The following NCOA2 variants were observed in gnomAD, a reference collection of about 807,000 sequenced individuals.
NCOA2 encodes the protein nuclear receptor coactivator 2.
Under a neutral mutation model 145.1 loss-of-function variants are expected in NCOA2, and 21 were observed. The ratio of observed to expected loss-of-function variants is 0.14; its 90% CI spans 0.10 to 0.21. The LOEUF (loss-of-function observed/expected upper bound fraction) is 0.21, where lower values mean the gene tolerates loss of function less well. Ranked by LOEUF, NCOA2 falls within the 10% of genes least tolerant of loss-of-function variation. The pLI is 1.00. For missense variants in NCOA2, 1,472 were observed against 1,837.6 expected, an observed-to-expected ratio of 0.80 and a Z score of 3.64; for synonymous variants, 619 against 637.5, an observed-to-expected ratio of 0.97 and a Z score of 0.44.
At chr8:70,160,680 A>AGAGAGAGG (rs1288575858) in intron 9 of NCOA2, among the ~76,000 whole-genome samples, 2 of 123,524 alleles carry the variant, frequency 1.6e-5, no homozygotes, top group African/African-American at 7.4e-5. Flanking sequence ...AGAGAGAGAG[A>AGAGAGAGG]GGGAGAGAGA....
At chr8:70,247,572 T>G (rs1822735308) in intron 2 of NCOA2, among the ~76,000 whole-genome samples, 1 of 152,182 alleles carries the variant, frequency 6.6e-6, no homozygotes, top group South Asian at 2.1e-4. Context: ...TGACTGCAGT[T>G]TTAAAAGACT....
chr8:70,358,078 A>C (rs988766220), intron 1 of NCOA2, among the ~76,000 whole-genome samples: 1 of 152,102 alleles, frequency 6.6e-6, no homozygotes, highest in Middle Eastern at 3.2e-3. Flanking sequence ...ACAACAACAA[A>C]AAAAACCCTA....
the NCOA2 span, among the ~76,000 whole-genome samples, chr8:70,412,572 A>G: frequency 6.8e-6 from 1 of 147,378 alleles, no homozygotes; most frequent in South Asian, 2.2e-4. Context: ...TGCTTGAACC[A>G]AGGAGGCAGA....
rs372869452 is a variant in NCOA2 at position 70,113,785 on chromosome 8, G to A, written c.4384-142C>T. ...AGGCCGCATCTGGATGAGTACATTC[G>A]ATGTGGAGGTGAACAGGCAGAGGGC... On this transcript the variant is annotated intron_variant, in intron 22 of 22. Coordinates refer to ENST00000452400, the MANE Select transcript of NCOA2 (RefSeq NM_006540.4). 17 of 798,340 alleles carry A rather than the reference G, an allele frequency of 2.1e-5. No homozygotes were observed. In the East Asian group the frequency reaches 2.1e-4, roughly 10 times the overall value. 49.5% of individuals were successfully genotyped at this position (798,340 alleles called of 1,614,324 possible). A position where few individuals can be genotyped will look rare whatever the true frequency, so the allele number is the denominator to read the frequency against.
In NCOA2 at chr8:70,124,011, T is replaced by A; in HGVS notation, c.4166A>T (p.Asn1389Ile). 6.2e-7 allele frequency: 1 copy of A among 1,614,020 alleles called. No homozygotes were observed. The highest frequency in any genetic ancestry group is 8.5e-7 in the Non-Finnish European group (1 of 1,179,880). ...GTTGGTCGCCATGGACACATTGATG[T>A]TCATGTTGTTACTGTACATGCTGGT... ...ANTSMYSNNM[N>I]INVSMATNTG... The change falls in exon 21 of 23, where the codon AAC (asparagine) becomes ATC (isoleucine). Residue 1389 changes from asparagine (N) to isoleucine (I), a missense_variant. Physicochemically the swap from Asn to Ile is moderately radical, Grantham distance 149 (BLOSUM62 -3). Coordinates refer to ENST00000452400, the MANE Select transcript of NCOA2 (RefSeq NM_006540.4).
chr8:70,154,131 A>C (rs967345110), intron 11 of NCOA2, among the ~76,000 whole-genome samples: 1 of 152,188 alleles, frequency 6.6e-6, no homozygotes, highest in African/African-American at 2.4e-5. Flanking sequence ...AGGTACAGCA[A>C]GGGGTGTGCT....
chr8:70,290,409 CG>C (rs1343285490), intron 2 of NCOA2, among the ~76,000 whole-genome samples: 1 of 152,026 alleles, frequency 6.6e-6, no homozygotes, highest in Non-Finnish European at 1.5e-5. Flanking sequence ...AGGATGGTCT[CG>C]ATCTCCTAAC....
chr8:70,404,772 G>A (rs1382225789), upstream of NCOA2, among the ~76,000 whole-genome samples: 1 of 152,162 alleles, frequency 6.6e-6, no homozygotes, highest in Admixed American at 6.5e-5. Flanking sequence ...GGACGTAGGA[G>A]ATTGGCACTG....
chr8:70,299,143 T>C (rs1352170184), intron 1 of NCOA2, among the ~76,000 whole-genome samples: 2 of 152,210 alleles, frequency 1.3e-5, no homozygotes, highest in South Asian at 2.1e-4. Flanking sequence ...AACATCTAGA[T>C]ACCTTGGTGT....
intron 2 of NCOA2, among the ~76,000 whole-genome samples, chr8:70,259,639 G>A (rs1484237755): frequency 3.9e-5 from 6 of 152,154 alleles, no homozygotes; most frequent in East Asian, 1.9e-4. Context: ...AATTATGTAC[G>A]TAAAACTTTA....
intron 2 of NCOA2, among the ~76,000 whole-genome samples, chr8:70,239,342 C>CCT (rs1563666866): frequency 1.3e-5 from 2 of 152,046 alleles, no homozygotes; most frequent in Admixed American, 1.3e-4. Context: ...GAAAGACTAA[C>CCT]CTCTACCAAC....
chr8:70,399,620 A>C (rs566786277), intron 1 of NCOA2, among the ~76,000 whole-genome samples: 5 of 152,382 alleles, frequency 3.3e-5, no homozygotes, highest in Admixed American at 3.3e-4. Context: ...GCAAAATACT[A>C]AAGTTAGTAA....
At chr8:70,270,581 T>C (rs1028234800) in intron 2 of NCOA2, among the ~76,000 whole-genome samples, 1 of 152,076 alleles carries the variant, frequency 6.6e-6, no homozygotes, top group Non-Finnish European at 1.5e-5. Flanking sequence ...GGTGGGGGGA[T>C]AGCAGGTAGG....
chr8:70,172,703 G>A (rs1285841606), intron 5 of NCOA2, among the ~76,000 whole-genome samples: 1 of 152,082 alleles, frequency 6.6e-6, no homozygotes, highest in Non-Finnish European at 1.5e-5. Flanking sequence ...TCACTGCTTT[G>A]GATACACCCT....
At chr8:70,244,174 T>G (rs764164037) in intron 2 of NCOA2, among the ~76,000 whole-genome samples, 1 of 152,102 alleles carries the variant, frequency 6.6e-6, no homozygotes, top group Non-Finnish European at 1.5e-5. Context: ...CAAAATCATA[T>G]GTGATTTGGA....
intron 1 of NCOA2, among the ~76,000 whole-genome samples, chr8:70,389,479 C>T (rs1301302480): frequency 6.6e-6 from 1 of 151,918 alleles, no homozygotes; most frequent in Non-Finnish European, 1.5e-5. Context: ...GAGGGTTCTC[C>T]ATGTTGGTCA....
intron 4 of NCOA2, among the ~76,000 whole-genome samples, chr8:70,211,413 C>T (rs1312750395): frequency 2.7e-5 from 4 of 150,668 alleles, no homozygotes; most frequent in African/African-American, 7.3e-5. Context: ...GAGCTGAGAT[C>T]GCGCCACTGC....
chr8:70,297,081 T>A (rs1827145440), intron 1 of NCOA2, among the ~76,000 whole-genome samples: 1 of 152,226 alleles, frequency 6.6e-6, no homozygotes, highest in Admixed American at 6.5e-5. Context: ...GCCGTCCTTA[T>A]ACTTTAACTG....
At chr8:70,132,713 G>A (rs536526576) in intron 15 of NCOA2, among the ~76,000 whole-genome samples, 11 of 152,220 alleles carry the variant, frequency 7.2e-5, no homozygotes, top group African/African-American at 2.2e-4. Flanking sequence ...ATAGGCACGC[G>A]CCACCACGCC....
Sources: gnomAD v4.1 joint callset for allele counts (sites outside exome capture counted in the v4.1 genomes callset) on GRCh38, gnomAD v4.1.1 for gene constraint, MANE v1.5 for transcripts, NCBI Gene and HGNC (gene_info 2026-07-23, HGNC 2026-07-21) for gene names.